The following ZBBX variants were observed in gnomAD, a reference collection of about 807,000 sequenced individuals.
The protein encoded by ZBBX is zinc finger B-box domain-containing protein 1.
A neutral mutation model predicts 108.5 loss-of-function variants in ZBBX; 101 were observed. The observed-to-expected ratio is 0.93, with a 90% CI of 0.79 to 1.10. The LOEUF is 1.10. Among genes scored for constraint, ZBBX ranks in the 50% least tolerant of loss-of-function variants. The pLI is 0.00. For synonymous variants in ZBBX, 356 were observed against 323.4 expected, an observed-to-expected ratio of 1.10 and a Z score of -1.08; for missense variants, 1,009 against 941.4, an observed-to-expected ratio of 1.07 and a Z score of -0.94.
exon 1 of ZBBX, among the ~76,000 whole-genome samples, chr3:167,407,827 T>C (rs1748635196): frequency 6.6e-6 from 1 of 152,046 alleles, no homozygotes; most frequent in African/African-American, 2.4e-5. Flanking sequence ...TCTGTGTTGC[T>C]CGAGGGTCAA....
chr3:167,321,783 C>T (rs1736487988), intron 12 of ZBBX, among the ~76,000 whole-genome samples: 2 of 152,050 alleles, frequency 1.3e-5, no homozygotes, highest in South Asian at 2.1e-4. Context: ...AATGTTAGTG[C>T]TAATATAAAA....
downstream of ZBBX, among the ~76,000 whole-genome samples, chr3:167,236,333 C>G (rs1014998439): frequency 1.3e-5 from 2 of 151,650 alleles, no homozygotes; most frequent in Non-Finnish European, 1.5e-5. Context: ...TGTCAACTTG[C>G]ACCTAAATTC....
intron 9 of ZBBX, among the ~76,000 whole-genome samples, chr3:167,337,619 A>G (rs1739786584): frequency 6.6e-6 from 1 of 151,822 alleles, no homozygotes; most frequent in African/African-American, 2.4e-5. Context: ...GCAAAATAGT[A>G]CTCCCCAGAG....
At chr3:167,345,935 A>G (rs1026918460) in intron 9 of ZBBX, among the ~76,000 whole-genome samples, 1 of 151,856 alleles carries the variant, frequency 6.6e-6, no homozygotes, top group Non-Finnish European at 1.5e-5. Flanking sequence ...TTCCATTCCA[A>G]TTAAGAAAAT....
chr3:167,319,618 G>A (rs1426569273), intron 12 of ZBBX, among the ~76,000 whole-genome samples: 3 of 151,956 alleles, frequency 2.0e-5, no homozygotes, highest in African/African-American at 7.2e-5. Context: ...ACATGGTTTG[G>A]CCTAGATACC....
chr3:167,180,233 C>T, the ZBBX span, among the ~76,000 whole-genome samples: 1 of 152,170 alleles, frequency 6.6e-6, no homozygotes, highest in Admixed American at 6.5e-5. Flanking sequence ...GCCTCAGCCT[C>T]CTTTGTTAAT....
intron 1 of ZBBX, among the ~76,000 whole-genome samples, chr3:167,387,230 C>T (rs1747947242): frequency 6.6e-6 from 1 of 151,988 alleles, no homozygotes; most frequent in African/African-American, 2.4e-5. Context: ...GGCATTCTTA[C>T]AGATAATGGG....
chr3:167,327,912 TC>T (rs1737689311), intron 11 of ZBBX, 29 bp downstream of exon 11: 3 of 408,308 alleles, frequency 7.3e-6, no homozygotes, highest in African/African-American at 7.6e-5. Context: ...AGACTCTGTC[TC>T]AAAAAAAAAA....
At chr3:167,332,825 T>C (rs1018021962) in intron 10 of ZBBX, among the ~76,000 whole-genome samples, 3 of 152,316 alleles carry the variant, frequency 2.0e-5, no homozygotes, top group Non-Finnish European at 2.9e-5. Context: ...CTAAGTTCCA[T>C]TATCAATTCT....
chr3:167,306,050 A>G (rs1733591784), intron 16 of ZBBX, 100 bp from the exon 17 acceptor site: 1 of 941,070 alleles, frequency 1.1e-6, no homozygotes, highest in Non-Finnish European at 1.5e-6. Flanking sequence ...AACTTTCTCA[A>G]TAAACACTAT....
In ZBBX at chr3:167,240,835, G is replaced by C. The variant is rs770477321; in HGVS notation, c.2478C>G (p.Asn826Lys). The C allele has an allele frequency of 6.2e-7, 1 of 1,613,566 alleles. No individual in the cohort carries two copies. The highest frequency in any genetic ancestry group is 8.5e-7 in the Non-Finnish European group (1 of 1,179,606). ...ACGGTAGTGTGATGACATGTTGCTT[G>C]TTGAGAAAATCTTCCTCCTCCTCAT... Reference protein sequence around the residue: ...STDEEEEDFLNKQHVITLPWS... With the variant: ...STDEEEEDFLKKQHVITLPWS... Residue 826 changes from asparagine to lysine, a missense_variant, in exon 22 of 22, where the codon AAC becomes AAG. Coordinates refer to ENST00000675490, the MANE Select transcript of ZBBX (RefSeq NM_001199201.2).
intron 15 of ZBBX, 40 bp downstream of exon 15, chr3:167,315,710 G>A (rs1735324508): frequency 7.2e-7 from 1 of 1,391,268 alleles, no homozygotes; most frequent in Non-Finnish European, 1.0e-6. Context: ...TGTCAGGAGG[G>A]GGCTCAATAT....
chr3:167,358,028 G>A (rs900144146), intron 8 of ZBBX, among the ~76,000 whole-genome samples: 6 of 152,074 alleles, frequency 3.9e-5, no homozygotes, highest in Non-Finnish European at 7.4e-5. Context: ...GACTGTTGTT[G>A]AGAGGGGAGG....
chr3:167,220,216 C>T, the ZBBX span, among the ~76,000 whole-genome samples: 1 of 151,868 alleles, frequency 6.6e-6, no homozygotes, highest in Admixed American at 6.6e-5. Context: ...AAGGAAGGAA[C>T]ACTTTCACAC....
In ZBBX at chr3:167,295,355, T is replaced by G. The variant is rs574857163; in HGVS notation, c.1879+2950A>C. 2.0e-5 allele frequency among the ~76,000 whole-genome samples: 3 copies of G among 152,002 alleles called. No individual in the cohort carries two copies. In the East Asian group the frequency reaches 5.8e-4, roughly 30 times the overall value. The stretch of plus-strand genomic sequence containing the variant: ...TACATATACACCATGGAATATTATA[T>G]AGCCATAAAAAAGGATGAGTTCATG... On this transcript the variant is annotated intron_variant, in intron 18 of 21. Transcript: ENST00000675490.
intron 18 of ZBBX, among the ~76,000 whole-genome samples, chr3:167,290,587 C>T (rs973526532): frequency 2.0e-5 from 3 of 152,074 alleles, no homozygotes; most frequent in Admixed American, 6.6e-5. Context: ...GATAAATTCA[C>T]GAAGATGGGG....
intron 4 of ZBBX, among the ~76,000 whole-genome samples, chr3:167,371,119 T>C (rs1014536632): frequency 5.3e-5 from 8 of 152,148 alleles, no homozygotes; most frequent in African/African-American, 1.9e-4. Context: ...TGGGTATTCC[T>C]GTCCTGGTTT....
chr3:167,219,375 A>G, the ZBBX span, among the ~76,000 whole-genome samples: 3 of 152,222 alleles, frequency 2.0e-5, no homozygotes, highest in Admixed American at 2.0e-4. Context: ...ATCATAAGGT[A>G]GGTCACAAAA....
chr3:167,277,266 G>C (rs573333388), intron 20 of ZBBX, among the ~76,000 whole-genome samples: 1 of 151,958 alleles, frequency 6.6e-6, no homozygotes, highest in Non-Finnish European at 1.5e-5. Context: ...AATGTAAATG[G>C]ACTAAATGCT....
Sources: allele counts gnomAD v4.1 joint callset (sites outside exome capture counted in the v4.1 genomes callset), GRCh38; gene constraint gnomAD v4.1.1; transcripts MANE v1.5; gene names NCBI Gene and HGNC (gene_info 2026-07-23, HGNC 2026-07-21).